The following ASIC2 variants were observed in gnomAD, a reference collection of about 807,000 sequenced individuals.
ASIC2 encodes acid sensing ion channel subunit 2, also known as acid-sensing ion channel 2.
In ASIC2, 25 loss-of-function variants were observed where a neutral mutation model predicts 57.3. The observed-to-expected ratio is 0.44, with a 90% confidence interval of 0.32 to 0.61. The LOEUF is 0.61. Among genes scored for constraint, ASIC2 ranks in the 20% least tolerant of loss-of-function variants. The pLI, the probability that ASIC2 is intolerant of heterozygous loss-of-function variation, is 0.06. For missense variants in ASIC2, 641 were observed against 738.1 expected (o/e 0.87, Z 1.52); for synonymous variants, 319 against 307.5 (o/e 1.04, Z -0.39).
intron 1 of ASIC2, among the ~76,000 whole-genome samples, chr17:33,464,479 TC>T (rs1273358692): frequency 3.7e-5 from 3 of 81,058 alleles, no homozygotes; most frequent in African/African-American, 5.2e-5. Context: ...TTCTTTCTTT[TC>T]TCTCTTTCTT....
intron 1 of ASIC2, among the ~76,000 whole-genome samples, chr17:33,866,164 G>A (rs1914232796): frequency 6.6e-6 from 1 of 151,988 alleles, no homozygotes; most frequent in Admixed American, 6.6e-5. Flanking sequence ...GAACTTTTAG[G>A]TTGTCTACAG....
At chr17:34,105,686 C>T (rs559838278) in intron 1 of ASIC2, among the ~76,000 whole-genome samples, 31 of 152,006 alleles carry the variant, frequency 2.0e-4, no homozygotes, top group African/African-American at 7.5e-4. Flanking sequence ...AAAAAGGACA[C>T]TAAAATATTC....
At chr17:33,682,458 C>G (rs1908040746) in intron 1 of ASIC2, among the ~76,000 whole-genome samples, 1 of 152,100 alleles carries the variant, frequency 6.6e-6, no homozygotes, top group South Asian at 2.1e-4. Context: ...TCCAGAAGAC[C>G]TGCGTGCGGC....
At chr17:33,051,475 T>A (rs75632399) in intron 3 of ASIC2, among the ~76,000 whole-genome samples, 1 of 152,290 alleles carries the variant, frequency 6.6e-6, no homozygotes, top group East Asian at 1.9e-4. Flanking sequence ...AGTTTTGTCA[T>A]TTCCTGGAAG....
At position 33,721,911 on chromosome 17, in the gene ASIC2, G is replaced by A. The variant is rs954774978; in HGVS notation, c.555+434067C>T. 3.9e-5 allele frequency among the ~76,000 whole-genome samples: 6 copies of A among 152,332 alleles called. No homozygotes were observed. The East Asian group carries it at 5.8e-4, about 15-fold the overall frequency. On this transcript the variant is annotated intron_variant, in intron 1 of 9. Coordinates refer to the ASIC2 transcript ENST00000359872. ...GCTGGGTCAAAGTGAGTGACAAGGC[G>A]AGAGATGAAGGCACATCAAAAGACA...
chr17:33,661,971 C>T (rs1451536370), intron 1 of ASIC2, among the ~76,000 whole-genome samples: 1 of 152,194 alleles, frequency 6.6e-6, no homozygotes, highest in Non-Finnish European at 1.5e-5. Flanking sequence ...CCCTACTTTC[C>T]TTCTCCCAGC....
upstream of ASIC2, among the ~76,000 whole-genome samples, chr17:33,293,631 G>A (rs143481633): frequency 5.1e-3 from 772 of 152,282 alleles, 28 homozygotes; most frequent in Admixed American, 0.048. Flanking sequence ...GTGTAGTGTG[G>A]GCATTTGAAC....
At chr17:33,322,778 C>T (rs1906920728) in intron 1 of ASIC2, among the ~76,000 whole-genome samples, 1 of 151,712 alleles carries the variant, frequency 6.6e-6, no homozygotes. Context: ...GAGCATCTCA[C>T]CCAGGCTGGG....
chr17:33,365,383 GT>G (rs5820036), intron 1 of ASIC2, among the ~76,000 whole-genome samples: 13 of 149,274 alleles, frequency 8.7e-5, no homozygotes, highest in East Asian at 1.9e-4. Flanking sequence ...ACTGGGTCTT[GT>G]TTTTTTTTTG....
chr17:33,653,151 C>T (rs1397900986), intron 1 of ASIC2, among the ~76,000 whole-genome samples: 4 of 152,170 alleles, frequency 2.6e-5, no homozygotes, highest in Non-Finnish European at 4.4e-5. Context: ...GAACCATTGT[C>T]GTGATTTCCA....
At chr17:34,062,526 C>A (rs1227450708) in intron 1 of ASIC2, among the ~76,000 whole-genome samples, 1 of 151,804 alleles carries the variant, frequency 6.6e-6, no homozygotes, top group East Asian at 1.9e-4. Flanking sequence ...AAGATCAGAG[C>A]AGAACTAAAT....
At chr17:33,982,502 G>A (rs550156246) in intron 1 of ASIC2, among the ~76,000 whole-genome samples, 3 of 152,272 alleles carry the variant, frequency 2.0e-5, no homozygotes, top group South Asian at 4.2e-4. Flanking sequence ...TGAGTCCAGC[G>A]TTGCTATGGG....
intron 3 of ASIC2, among the ~76,000 whole-genome samples, chr17:33,037,767 A>T (rs533904486): frequency 6.6e-6 from 1 of 152,320 alleles, no homozygotes; most frequent in African/African-American, 2.4e-5. Flanking sequence ...TGTGGTAGGT[A>T]GGCACATTAT....
chr17:33,509,654 C>T (rs1259578798), intron 1 of ASIC2, among the ~76,000 whole-genome samples: 2 of 152,232 alleles, frequency 1.3e-5, no homozygotes, highest in Non-Finnish European at 2.9e-5. Flanking sequence ...GCAAGTCAGG[C>T]CCCGCAGAGA....
At chr17:34,003,164 G>A (rs1323329752) in intron 1 of ASIC2, 1 of 152,170 alleles carries the variant, frequency 6.6e-6, no homozygotes, top group Admixed American at 6.5e-5. Flanking sequence ...TTCACGAGAA[G>A]TCGAGTCAAT....
At chr17:33,754,808 G>A (rs898293655) in intron 1 of ASIC2, among the ~76,000 whole-genome samples, 15 of 151,544 alleles carry the variant, frequency 9.9e-5, no homozygotes, top group African/African-American at 3.4e-4. Flanking sequence ...TACAAAAAAA[G>A]TTAGCCAGGC....
In ASIC2 at chr17:33,292,779, G is replaced by A. The variant is rs1032523505; in HGVS notation, c.-664C>T. 2 of 985,812 alleles carry A rather than the reference G, an allele frequency of 2.0e-6. No individual in the cohort carries two copies. The highest frequency in any genetic ancestry group is 3.5e-5 in the African/African-American group (2 of 57,210). 61.1% of individuals were successfully genotyped at this position (985,812 alleles called of 1,614,324 possible). On this transcript the variant is annotated 5_prime_UTR_variant, in exon 1 of 10. Transcript: ENST00000225823. ...CCGCCTTCTTTCCCTTCCCCTCCAG[G>A]ACCCTTCCTTGTTACTGCTCCCTGG...
chr17:33,354,272 G>C (rs181791706), intron 1 of ASIC2, among the ~76,000 whole-genome samples: 152 of 152,202 alleles, frequency 1.0e-3, no homozygotes, highest in Admixed American at 1.9e-3. Context: ...CTCTACCAAT[G>C]GTGGTTCATG....
chr17:33,031,152 C>A (rs757202991), intron 3 of ASIC2, among the ~76,000 whole-genome samples: 1 of 152,054 alleles, frequency 6.6e-6, no homozygotes, highest in South Asian at 2.1e-4. Context: ...TGTGTGTATG[C>A]GTGTGAAGAT....
Sources: gnomAD v4.1 joint callset for allele counts (sites outside exome capture counted in the v4.1 genomes callset) on GRCh38, gnomAD v4.1.1 for gene constraint, MANE v1.5 for transcripts, NCBI Gene and HGNC (gene_info 2026-07-23, HGNC 2026-07-21) for gene names.